Variants in SCAMP1 observed in about 807,000 individuals in gnomAD.
SCAMP1 encodes secretory carrier membrane protein 1.
In SCAMP1, 15 loss-of-function variants were observed where a neutral mutation model predicts 41.8. The observed-to-expected ratio is 0.36, with a 90% confidence interval of 0.24 to 0.55. SCAMP1 has a LOEUF of 0.55. Ranked by LOEUF, SCAMP1 falls within the 20% of genes least tolerant of loss-of-function variation. The pLI, the probability that SCAMP1 is intolerant of heterozygous loss-of-function variation, is 0.86. For synonymous variants in SCAMP1, 135 were observed against 136.8 expected, an observed-to-expected ratio of 0.99 and a Z score of 0.09; for missense variants, 341 against 412.6, an observed-to-expected ratio of 0.83 and a Z score of 1.50.
At chr5:78,391,265 G>A (rs1751488788) in intron 2 of SCAMP1, among the ~76,000 whole-genome samples, 4 of 151,464 alleles carry the variant, frequency 2.6e-5, no homozygotes, top group African/African-American at 9.7e-5. Flanking sequence ...GGACGGGGCA[G>A]CTGGCCGGGC....
chr5:78,395,024 A>G (rs953471113), intron 2 of SCAMP1, among the ~76,000 whole-genome samples: 1 of 152,208 alleles, frequency 6.6e-6, no homozygotes, highest in Non-Finnish European at 1.5e-5. Context: ...ATCGCTTTTT[A>G]TACTGTGACT....
At position 78,459,261 on chromosome 5, in the gene SCAMP1, C is replaced by G; in HGVS notation, c.751C>G (p.Leu251Val). The stretch of plus-strand genomic sequence containing the variant: ...ACTTTTTAGTGGTTGGATTTCATCC[C>G]TTACTGGTCTCAACCAAAATATTCC... The part of the protein sequence containing the change: ...NWGNCGWISS[L>V]TGLNQNIPVG... Residue 251 changes from leucine to valine, a missense_variant, in exon 8 of 9, where the codon CTT (leucine) becomes GTT (valine). Coordinates refer to ENST00000621999, the MANE Select transcript of SCAMP1 (RefSeq NM_004866.6). 1 of 1,574,428 alleles carries G rather than the reference C, an allele frequency of 6.4e-7. No homozygotes were observed. Among genetic ancestry groups the G allele is most frequent in the Admixed American group, 1.7e-5 (1 of 59,406 alleles).
intron 1 of SCAMP1, among the ~76,000 whole-genome samples, chr5:78,363,054 G>T (rs371807416): frequency 6.6e-6 from 1 of 150,456 alleles, no homozygotes; most frequent in African/African-American, 2.4e-5. Flanking sequence ...CACCACACCC[G>T]GCTAATTCTT....
intron 8 of SCAMP1, among the ~76,000 whole-genome samples, chr5:78,473,186 C>T (rs1753926542): frequency 6.6e-6 from 1 of 152,120 alleles, no homozygotes; most frequent in Admixed American, 6.6e-5. Context: ...TGTCAGTGCT[C>T]TTTTTCTTCC....
intron 2 of SCAMP1, among the ~76,000 whole-genome samples, chr5:78,392,361 C>T (rs1255465242): frequency 3.3e-5 from 5 of 152,152 alleles, no homozygotes; most frequent in Non-Finnish European, 5.9e-5. Context: ...CTTATTAACT[C>T]GTGTTATCTG....
chr5:78,472,955 G>T (rs1753920949), intron 8 of SCAMP1, among the ~76,000 whole-genome samples: 1 of 152,116 alleles, frequency 6.6e-6, no homozygotes, highest in Non-Finnish European at 1.5e-5. Context: ...AGTAAAGAAG[G>T]TTGATAAGAT....
intron 8 of SCAMP1, among the ~76,000 whole-genome samples, chr5:78,469,952 T>C (rs1300503998): frequency 2.5e-5 from 3 of 118,420 alleles, no homozygotes; most frequent in African/African-American, 9.6e-5. Context: ...AGCCCAGGCA[T>C]GGTGGTGTGA....
chr5:78,461,774 G>A (rs1433975508), intron 8 of SCAMP1, among the ~76,000 whole-genome samples: 1 of 152,236 alleles, frequency 6.6e-6, no homozygotes, highest in African/African-American at 2.4e-5. Flanking sequence ...ATGTTGGCCA[G>A]GTTGGTCTCT....
At position 78,479,767 on chromosome 5, in the gene SCAMP1, G is replaced by A. The variant is rs1216451226; in HGVS notation, c.*4099G>A. Among the ~76,000 whole-genome samples the A allele has an allele frequency of 6.6e-6, 1 of 152,192 alleles. No homozygotes were observed. The highest frequency in any genetic ancestry group is 1.5e-5 in the Non-Finnish European group (1 of 68,044). On this transcript the variant is annotated 3_prime_UTR_variant, in exon 9 of 9. Transcript: ENST00000621999. ...ATTTAATGTATAGGATTTTGGCCAG[G>A]TGTGGTGGCTCACGCCTGTAATCCC...
intron 8 of SCAMP1, among the ~76,000 whole-genome samples, chr5:78,466,228 C>T (rs560606409): frequency 1.3e-5 from 2 of 152,348 alleles, no homozygotes; most frequent in East Asian, 3.9e-4. Context: ...ACGTGCCAGG[C>T]ACTGGGCTGT....
intron 1 of SCAMP1, among the ~76,000 whole-genome samples, chr5:78,371,856 C>G (rs1382867256): frequency 6.6e-6 from 1 of 152,166 alleles, no homozygotes; most frequent in Admixed American, 6.5e-5. Context: ...ACCCCTTAAA[C>G]TCTTAAAGCA....
rs566856132 is a variant in SCAMP1, at chr5:78,435,814, A to G, written c.632+13854A>G. 5.9e-5 allele frequency among the ~76,000 whole-genome samples: 9 copies of G among 152,308 alleles called. No individual in the cohort carries two copies. In the East Asian group the frequency reaches 1.2e-3, roughly 20 times the overall value. ...AGGAATTGCCACACTGTCTTCCACAATGGTTGAACTAATTTACATTCCCAT... is the reference window on the plus strand; with the variant it reads ...AGGAATTGCCACACTGTCTTCCACAGTGGTTGAACTAATTTACATTCCCAT... On this transcript the variant is annotated intron_variant, in intron 6 of 8. Coordinates refer to ENST00000621999, the MANE Select transcript of SCAMP1 (RefSeq NM_004866.6).
intron 1 of SCAMP1, among the ~76,000 whole-genome samples, chr5:78,366,555 G>A (rs569350690): frequency 6.6e-6 from 1 of 152,216 alleles, no homozygotes; most frequent in African/African-American, 2.4e-5. Flanking sequence ...TTGGTGATAG[G>A]TTTCAGCATG....
chr5:78,413,583 A>G (rs1383389951), intron 2 of SCAMP1, among the ~76,000 whole-genome samples: 3 of 151,934 alleles, frequency 2.0e-5, no homozygotes, highest in Non-Finnish European at 2.9e-5. Context: ...ATGCCTGTCT[A>G]ATTTTTTGTA....
intron 1 of SCAMP1, among the ~76,000 whole-genome samples, chr5:78,374,731 G>T (rs1279007067): frequency 6.6e-6 from 1 of 151,994 alleles, no homozygotes; most frequent in Admixed American, 6.6e-5. Context: ...AGGTAAGTTG[G>T]CTTGGGCATG....
In SCAMP1 at chr5:78,475,876, A is replaced by C. The variant is rs1753991941; in HGVS notation, c.*208A>C. 3 of 317,604 alleles carry C rather than the reference A, an allele frequency of 9.4e-6. No individual in the cohort carries two copies. The highest frequency in any genetic ancestry group is 1.7e-5 in the Non-Finnish European group (3 of 175,716). The allele number at this position is 317,604 out of a possible 1,614,324, so 19.7% of individuals were successfully genotyped here. A position where few individuals can be genotyped will look rare whatever the true frequency, so the allele number is the denominator to read the frequency against. ...ATATTTCAGTGCCCCTTGCAGAAAAAATATTACATGCTAAATAAATATTCT... is the reference window on the plus strand; with the variant it reads ...ATATTTCAGTGCCCCTTGCAGAAAACATATTACATGCTAAATAAATATTCT... On this transcript the variant is annotated 3_prime_UTR_variant, in exon 9 of 9. Transcript: ENST00000621999.
intron 1 of SCAMP1, among the ~76,000 whole-genome samples, chr5:78,388,028 C>T (rs186229288): frequency 2.6e-5 from 4 of 152,338 alleles, no homozygotes; most frequent in Admixed American, 2.6e-4. Context: ...CTTCGGCGTT[C>T]CTCGGCTGTC....
intron 6 of SCAMP1, among the ~76,000 whole-genome samples, chr5:78,432,248 T>G (rs1201780170): frequency 6.6e-6 from 1 of 152,282 alleles, no homozygotes; most frequent in East Asian, 1.9e-4. Flanking sequence ...AAAATGAATT[T>G]TACATTGGCC....
At chr5:78,469,890 T>TAAAAAAAAAAAAAAAAAAAAAAAAAA (rs141989832) in intron 8 of SCAMP1, among the ~76,000 whole-genome samples, 3 of 15,026 alleles carry the variant, frequency 2.0e-4, no homozygotes, top group Non-Finnish European at 3.4e-4. Flanking sequence ...TACAAGACAT[T>TAAAAAAAAAAAAAAAAAAAAAAAAAA]AAAAAAAAAA....
Sources: allele counts gnomAD v4.1 joint callset (sites outside exome capture counted in the v4.1 genomes callset), GRCh38; gene constraint gnomAD v4.1.1; transcripts MANE v1.5; gene names NCBI Gene and HGNC (gene_info 2026-07-23, HGNC 2026-07-21).